The following NRG3 variants were observed in gnomAD, a reference collection of about 807,000 sequenced individuals.
NRG3 encodes the protein neuregulin 3.
A neutral mutation model predicts 66.9 loss-of-function variants in NRG3; 31 were observed. That is an observed-to-expected ratio of 0.46 (90% CI 0.35 to 0.63). The LOEUF is 0.63. Among genes scored for constraint, NRG3 ranks in the 20% least tolerant of loss-of-function variants. NRG3 has a pLI of 0.00. For missense variants in NRG3, 910 were observed against 878.9 expected (o/e 1.04, Z -0.45); for synonymous variants, 393 against 359.4 (o/e 1.09, Z -1.06).
chr10:82,369,527 T>A (rs2084752817), intron 2 of NRG3, among the ~76,000 whole-genome samples: 1 of 138,110 alleles, frequency 7.2e-6, no homozygotes, highest in Admixed American at 6.8e-5. Flanking sequence ...CACAAACTCC[T>A]GGCCACAAGT....
At chr10:82,296,872 A>G (rs778983202) in intron 1 of NRG3, among the ~76,000 whole-genome samples, 16 of 151,962 alleles carry the variant, frequency 1.1e-4, no homozygotes, top group Non-Finnish European at 2.4e-4. Flanking sequence ...TAGTGAACCC[A>G]TCTTCTAAAC....
intron 2 of NRG3, among the ~76,000 whole-genome samples, chr10:82,403,094 C>T (rs886287878): frequency 1.2e-4 from 19 of 152,148 alleles, no homozygotes; most frequent in Non-Finnish European, 2.5e-4. Context: ...GACATGCCTT[C>T]TTGTCTGAAA....
At chr10:82,154,551 G>T (rs190879410) in intron 1 of NRG3, among the ~76,000 whole-genome samples, 2,320 of 145,562 alleles carry the variant, frequency 0.016, 116 homozygotes, top group East Asian at 0.15. Flanking sequence ...GCTATTTGGG[G>T]TTTTTTTTTT....
chr10:82,312,777 CT>C (rs144685552), intron 1 of NRG3, among the ~76,000 whole-genome samples: 1,555 of 149,154 alleles, frequency 0.01, 14 homozygotes, highest in South Asian at 0.017. Flanking sequence ...TTAGAGCTTT[CT>C]TTTTTTTTTC....
intron 1 of NRG3, among the ~76,000 whole-genome samples, chr10:82,038,573 A>G (rs975192143): frequency 1.3e-5 from 2 of 152,146 alleles, no homozygotes; most frequent in African/African-American, 4.8e-5. Flanking sequence ...TCAAAGAGCC[A>G]TTCAAGACTC....
chr10:81,886,816 G>T (rs889602590), intron 1 of NRG3, among the ~76,000 whole-genome samples: 42 of 152,044 alleles, frequency 2.8e-4, no homozygotes, highest in African/African-American at 9.9e-4. Context: ...CTAAAACTTT[G>T]GGTAGAAAAT....
intron 1 of NRG3, among the ~76,000 whole-genome samples, chr10:81,962,194 T>C (rs561280230): frequency 7.9e-4 from 120 of 152,342 alleles, no homozygotes; most frequent in African/African-American, 2.8e-3. Context: ...GCTTCAGCCA[T>C]GTTAAAGAAA....
intron 1 of NRG3, among the ~76,000 whole-genome samples, chr10:82,144,618 T>A (rs1042375869): frequency 3.9e-5 from 6 of 152,172 alleles, no homozygotes; most frequent in Admixed American, 6.5e-5. Flanking sequence ...TCTGTCAGTG[T>A]TTATGTGAAA....
chr10:82,424,002 T>C (rs1434395637), intron 2 of NRG3, among the ~76,000 whole-genome samples: 1 of 152,042 alleles, frequency 6.6e-6, no homozygotes, highest in Non-Finnish European at 1.5e-5. Flanking sequence ...TAATATTCCA[T>C]TGTATGGGTA....
chr10:82,058,643 T>C (rs1259691175), intron 1 of NRG3, among the ~76,000 whole-genome samples: 1 of 152,066 alleles, frequency 6.6e-6, no homozygotes, highest in Admixed American at 6.6e-5. Flanking sequence ...AGTTTTTTTA[T>C]TTTGATTTTT....
chr10:82,898,433 G>C (rs999490029), intron 4 of NRG3, among the ~76,000 whole-genome samples: 1 of 152,100 alleles, frequency 6.6e-6, no homozygotes, highest in Non-Finnish European at 1.5e-5. Flanking sequence ...TACCCAGATG[G>C]TCTTAAGGTG....
At chr10:82,814,816 C>G (rs1000371678) in intron 3 of NRG3, among the ~76,000 whole-genome samples, 1 of 152,200 alleles carries the variant, frequency 6.6e-6, no homozygotes, top group Non-Finnish European at 1.5e-5. Flanking sequence ...TGAACACTTG[C>G]ACACTATCAT....
At chr10:81,970,975 A>C (rs147339325) in intron 1 of NRG3, among the ~76,000 whole-genome samples, 1 of 152,130 alleles carries the variant, frequency 6.6e-6, no homozygotes, top group Non-Finnish European at 1.5e-5. Context: ...CCCTGTCTCT[A>C]CTAAAGATAC....
At chr10:82,604,087 A>G (rs2047807437) in intron 2 of NRG3, among the ~76,000 whole-genome samples, 1 of 152,166 alleles carries the variant, frequency 6.6e-6, no homozygotes, top group Non-Finnish European at 1.5e-5. Context: ...GTTAAAGTTA[A>G]TTATTTGTGG....
At chr10:82,259,935 TA>T (rs886450278) in intron 1 of NRG3, among the ~76,000 whole-genome samples, 8 of 129,108 alleles carry the variant, frequency 6.2e-5, no homozygotes, top group African/African-American at 2.0e-4. Context: ...TTGTCTCTAT[TA>T]AAAAAACAAA....
intron 2 of NRG3, among the ~76,000 whole-genome samples, chr10:82,516,764 G>A (rs1285204067): frequency 6.6e-6 from 1 of 152,048 alleles, no homozygotes; most frequent in Non-Finnish European, 1.5e-5. Flanking sequence ...GTATTTTTAG[G>A]ATTTTTCAAG....
At chr10:82,341,510 C>CTTCTAA (rs1274010457) in intron 1 of NRG3, among the ~76,000 whole-genome samples, 1 of 152,058 alleles carries the variant, frequency 6.6e-6, no homozygotes, top group Non-Finnish European at 1.5e-5. Context: ...TGCATGCTGA[C>CTTCTAA]TTCTAAAGTT....
chr10:82,700,842 A>G (rs2055814812), intron 2 of NRG3, among the ~76,000 whole-genome samples: 1 of 152,108 alleles, frequency 6.6e-6, no homozygotes, highest in Non-Finnish European at 1.5e-5. Context: ...AATTAAATCA[A>G]TTAATTGAAA....
chr10:82,353,665 C>T (rs1387119729), intron 1 of NRG3, among the ~76,000 whole-genome samples: 1 of 152,122 alleles, frequency 6.6e-6, no homozygotes, highest in Non-Finnish European at 1.5e-5. Context: ...TTGCACAGTC[C>T]CTGTGGCCCC....
Sources: allele counts gnomAD v4.1 joint callset (sites outside exome capture counted in the v4.1 genomes callset), GRCh38; gene constraint gnomAD v4.1.1; transcripts MANE v1.5; gene names NCBI Gene and HGNC (gene_info 2026-07-23, HGNC 2026-07-21).